KCNIP4: variants seen among roughly 807,000 people sequenced by gnomAD.
KCNIP4 encodes the protein potassium voltage-gated channel interacting protein 4, also known as Kv channel-interacting protein 4.
In KCNIP4, 12 loss-of-function variants were observed where a neutral mutation model predicts 34.0. The ratio of observed to expected loss-of-function variants is 0.35; its 90% CI spans 0.23 to 0.57. The LOEUF (loss-of-function observed/expected upper bound fraction) is 0.57. Ranked by LOEUF, KCNIP4 falls within the 20% of genes least tolerant of loss-of-function variation. The pLI is 0.83. For missense variants in KCNIP4, 238 were observed against 311.7 expected (o/e 0.76, Z 1.78); for synonymous variants, 124 against 102.2 (o/e 1.21, Z -1.29).
chr4:21,377,819 G>C (rs980901965), intron 1 of KCNIP4, among the ~76,000 whole-genome samples: 1 of 152,204 alleles, frequency 6.6e-6, no homozygotes, highest in South Asian at 2.1e-4. Flanking sequence ...GTGAGATAGA[G>C]AAATGAGTTG....
chr4:20,854,127 A>G (rs1003956459), intron 2 of KCNIP4, among the ~76,000 whole-genome samples: 3 of 152,186 alleles, frequency 2.0e-5, no homozygotes, highest in Non-Finnish European at 4.4e-5. Flanking sequence ...TGATCTAGCA[A>G]TCCTGCTACT....
At chr4:21,331,828 T>C (rs1304268781) in intron 1 of KCNIP4, among the ~76,000 whole-genome samples, 1 of 152,090 alleles carries the variant, frequency 6.6e-6, no homozygotes, top group Non-Finnish European at 1.5e-5. Flanking sequence ...GCTGTCATCC[T>C]AGAATATGGG....
At chr4:20,896,614 A>G (rs192889270) in intron 1 of KCNIP4, among the ~76,000 whole-genome samples, 6 of 152,252 alleles carry the variant, frequency 3.9e-5, no homozygotes, top group African/African-American at 1.4e-4. Context: ...CAGGAGAGGA[A>G]CAAGAATAGG....
At chr4:21,789,068 GTCA>G (rs1332847204) in intron 1 of KCNIP4, among the ~76,000 whole-genome samples, 3 of 23,288 alleles carry the variant, frequency 1.3e-4, no homozygotes, top group African/African-American at 3.6e-4. Context: ...GCGAGATTCT[GTCA>G]AAAAAAAAAA....
intron 1 of KCNIP4, among the ~76,000 whole-genome samples, chr4:21,348,267 A>G (rs865786076): frequency 3.9e-5 from 6 of 152,214 alleles, no homozygotes; most frequent in African/African-American, 9.6e-5. Flanking sequence ...ACAGTCTTCA[A>G]TGATGAAAAG....
chr4:21,615,129 A>G (rs1242116461), intron 1 of KCNIP4, among the ~76,000 whole-genome samples: 1 of 152,202 alleles, frequency 6.6e-6, no homozygotes, highest in Non-Finnish European at 1.5e-5. Context: ...GAGGGAGAGA[A>G]AAGAGTGAAA....
chr4:21,171,076 A>G (rs1225821438), intron 1 of KCNIP4, among the ~76,000 whole-genome samples: 1 of 152,216 alleles, frequency 6.6e-6, no homozygotes, highest in Non-Finnish European at 1.5e-5. Flanking sequence ...TGAGATATTG[A>G]CTGACTCAAG....
intron 1 of KCNIP4, among the ~76,000 whole-genome samples, chr4:21,219,792 T>G (rs1388575336): frequency 6.6e-6 from 1 of 151,980 alleles, no homozygotes; most frequent in Non-Finnish European, 1.5e-5. Context: ...GGGGAAAACT[T>G]TAGTTTTAAA....
At chr4:20,765,385 C>T (rs1261045366) in intron 3 of KCNIP4, among the ~76,000 whole-genome samples, 1 of 152,116 alleles carries the variant, frequency 6.6e-6, no homozygotes, top group Non-Finnish European at 1.5e-5. Context: ...ATCACAGCTG[C>T]GTTGGAGAGA....
At chr4:21,510,243 G>A (rs1397554850) in intron 1 of KCNIP4, among the ~76,000 whole-genome samples, 1 of 152,044 alleles carries the variant, frequency 6.6e-6, no homozygotes, top group Admixed American at 6.6e-5. Flanking sequence ...TTTTAAATTA[G>A]CTTACAGTTT....
intron 1 of KCNIP4, among the ~76,000 whole-genome samples, chr4:20,968,121 T>C (rs987491499): frequency 6.6e-6 from 1 of 152,180 alleles, no homozygotes; most frequent in African/African-American, 2.4e-5. Flanking sequence ...TCAAAGGATA[T>C]GAACAAACAC....
intron 1 of KCNIP4, among the ~76,000 whole-genome samples, chr4:21,154,004 G>T (rs1752960118): frequency 6.6e-6 from 1 of 151,382 alleles, no homozygotes; most frequent in Non-Finnish European, 1.5e-5. Flanking sequence ...GGAAAAAAAA[G>T]GTAAGAAATA....
chr4:21,888,693 A>G (rs574063975), intron 1 of KCNIP4, among the ~76,000 whole-genome samples: 2 of 152,128 alleles, frequency 1.3e-5, no homozygotes, highest in South Asian at 2.1e-4. Flanking sequence ...TCACCATGCT[A>G]TTATAACTGT....
intron 1 of KCNIP4, among the ~76,000 whole-genome samples, chr4:21,346,072 A>G (rs182357172): frequency 4.4e-4 from 57 of 130,416 alleles, no homozygotes; most frequent in African/African-American, 1.5e-3. Flanking sequence ...GCAGTGTAAT[A>G]TATATATTTA....
At position 21,715,373 on chromosome 4, in the gene KCNIP4, G is replaced by A. The variant is rs143051395; in HGVS notation, c.61+233198C>T. Among the ~76,000 whole-genome samples, 1,324 of 151,934 alleles carry A rather than the reference G, an allele frequency of 8.7e-3. 15 individuals carry two copies. The highest frequency in any genetic ancestry group is 0.029 in the African/African-American group (1,212 of 41,424). ...TCTTGCTCTCCTGACCTTGTGATCCGCCCACCTTGGCCTCCCAAAGTGCTA... is the reference window on the plus strand; with the variant it reads ...TCTTGCTCTCCTGACCTTGTGATCCACCCACCTTGGCCTCCCAAAGTGCTA... On this transcript the variant is annotated intron_variant, in intron 1 of 8. Transcript: ENST00000382152.
rs78110559 is a variant in KCNIP4, at chr4:20,986,928, C to T, written c.62-104219G>A. Among the ~76,000 whole-genome samples, 604 of 119,300 alleles carry T rather than the reference C, an allele frequency of 5.1e-3. 5 individuals carry two copies. The highest frequency in any genetic ancestry group is 0.021 in the African/African-American group (580 of 27,560). The allele number at this position is 119,300 out of a possible 152,430, so 78.3% of individuals were successfully genotyped here. A position where few individuals can be genotyped will look rare whatever the true frequency, so the allele number is the denominator to read the frequency against. On this transcript the variant is annotated intron_variant, in intron 1 of 8. Coordinates refer to ENST00000382152, the MANE Select transcript of KCNIP4 (RefSeq NM_025221.6). The stretch of plus-strand genomic sequence containing the variant: ...CTGCATTAGTTACATTTACCACATG[C>T]TTTCTGAGCTGTCTCTCAGCTGTGG...
chr4:20,916,699 G>A (rs1225556904), intron 1 of KCNIP4, among the ~76,000 whole-genome samples: 2 of 151,816 alleles, frequency 1.3e-5, no homozygotes, highest in Admixed American at 1.3e-4. Flanking sequence ...CCTCCCCCGG[G>A]CAGTTTTGCT....
intron 1 of KCNIP4, among the ~76,000 whole-genome samples, chr4:21,410,565 G>A (rs1724413600): frequency 6.6e-6 from 1 of 152,174 alleles, no homozygotes; most frequent in Non-Finnish European, 1.5e-5. Context: ...TGTTAGCCAT[G>A]TGAGTGAACC....
chr4:21,597,277 T>C (rs1742729752), intron 1 of KCNIP4, among the ~76,000 whole-genome samples: 1 of 152,058 alleles, frequency 6.6e-6, no homozygotes. Context: ...CACTTGGTTC[T>C]CTTTTCTCTC....
Sources: allele counts gnomAD v4.1 joint callset (sites outside exome capture counted in the v4.1 genomes callset), GRCh38; gene constraint gnomAD v4.1.1; transcripts MANE v1.5; gene names NCBI Gene and HGNC (gene_info 2026-07-23, HGNC 2026-07-21).